The following LPCAT2 variants were observed in gnomAD, a reference collection of about 807,000 sequenced individuals.
LPCAT2 encodes 1-AGP acyltransferase 11.
Under a neutral mutation model 64.7 loss-of-function variants are expected in LPCAT2, and 58 were observed. That is an observed-to-expected ratio of 0.90 (90% CI 0.73 to 1.12). The LOEUF is 1.12. Among genes scored for constraint, LPCAT2 ranks in the 50% most tolerant of loss-of-function variants. LPCAT2 has a pLI of 0.00. For missense variants in LPCAT2, 579 were observed against 669.8 expected, an observed-to-expected ratio of 0.86 and a Z score of 1.50; for synonymous variants, 252 against 245.3, an observed-to-expected ratio of 1.03 and a Z score of -0.26.
intron 1 of LPCAT2, among the ~76,000 whole-genome samples, chr16:55,513,617 T>A (rs1213670507): frequency 3.3e-5 from 5 of 152,186 alleles, no homozygotes; most frequent in Non-Finnish European, 5.9e-5. Context: ...TGACTCTTAG[T>A]TAGAATAGTA....
intron 10 of LPCAT2, 115 bp downstream of exon 10, chr16:55,549,517 A>G (rs1963491567): frequency 9.7e-7 from 1 of 1,032,806 alleles, no homozygotes. Flanking sequence ...TTTGGTGTAT[A>G]TTAGGAAAGT....
At chr16:55,556,051 G>T (rs767564069) in intron 11 of LPCAT2, among the ~76,000 whole-genome samples, 1 of 152,126 alleles carries the variant, frequency 6.6e-6, no homozygotes, top group Non-Finnish European at 1.5e-5. Context: ...CTGACCTCAG[G>T]TAATCCACCC....
chr16:55,546,914 C>T (rs772915009), intron 9 of LPCAT2, among the ~76,000 whole-genome samples: 1 of 151,932 alleles, frequency 6.6e-6, no homozygotes, highest in Admixed American at 6.6e-5. Flanking sequence ...TTTGGGAGGC[C>T]GAGGTGGGTG....
At chr16:55,540,489 G>T (rs2142390851) in intron 8 of LPCAT2, 1 of 152,292 alleles carries the variant, frequency 6.6e-6, no homozygotes, top group Admixed American at 6.5e-5. Flanking sequence ...CATGAATTAA[G>T]AGTCTGTTAG....
At chr16:55,578,257 CTCAAGACTCA>C (rs1963850067) in intron 12 of LPCAT2, among the ~76,000 whole-genome samples, 2 of 152,172 alleles carry the variant, frequency 1.3e-5, no homozygotes, top group African/African-American at 4.8e-5. Flanking sequence ...AAATTCGTAT[CTCAAGACTCA>C]TCAGTTTCCT....
chr16:55,563,025 T>C (rs2142409382), intron 11 of LPCAT2, among the ~76,000 whole-genome samples: 1 of 151,748 alleles, frequency 6.6e-6, no homozygotes, highest in Non-Finnish European at 1.5e-5. Flanking sequence ...GCTAGACACA[T>C]AAAACCAGAA....
At chr16:55,572,397 T>C (rs1963780055) in intron 11 of LPCAT2, among the ~76,000 whole-genome samples, 1 of 152,220 alleles carries the variant, frequency 6.6e-6, no homozygotes. Context: ...TTCTTAAGAA[T>C]TTCTATTTAA....
intron 11 of LPCAT2, chr16:55,566,705 T>C: frequency 1.3e-6 from 2 of 1,545,710 alleles, no homozygotes; most frequent in Non-Finnish European, 1.7e-6. Context: ...ATTTCATCTT[T>C]TTTCATACCA....
At chr16:55,544,694 A>G (rs979080115) in intron 8 of LPCAT2, among the ~76,000 whole-genome samples, 5 of 152,022 alleles carry the variant, frequency 3.3e-5, no homozygotes, top group Admixed American at 2.6e-4. Context: ...TCCTGTGTGC[A>G]CTCTCTCCCT....
rs1466624701 is a variant in LPCAT2 at position 55,584,612 on chromosome 16, C to T, written c.*1514C>T. 2.6e-5 allele frequency: 4 copies of T among 152,014 alleles called. No homozygotes were observed. Among genetic ancestry groups the T allele is most frequent in the African/African-American group, 4.8e-5 (2 of 41,454 alleles). 9.4% of individuals were successfully genotyped at this position (152,014 alleles called of 1,614,324 possible). A position where few individuals can be genotyped will look rare whatever the true frequency, so the allele number is the denominator to read the frequency against. On this transcript the variant is annotated 3_prime_UTR_variant, in exon 14 of 14. Coordinates refer to ENST00000262134, the MANE Select transcript of LPCAT2 (RefSeq NM_017839.5). The stretch of plus-strand genomic sequence containing the variant: ...TTGAAATAAAACTCCTTGTTTTGGC[C>T]GTGTTTCTGAATGTATTGGTGATTC...
intron 11 of LPCAT2, among the ~76,000 whole-genome samples, chr16:55,572,452 G>T (rs1427466246): frequency 6.6e-6 from 1 of 152,142 alleles, no homozygotes; most frequent in Non-Finnish European, 1.5e-5. Context: ...CAGAAGAAAT[G>T]TATCTATGTT....
intron 8 of LPCAT2, chr16:55,538,865 A>T (rs926002912): frequency 1.3e-5 from 2 of 151,990 alleles, no homozygotes; most frequent in African/African-American, 4.8e-5. Context: ...TTTTCTCTAG[A>T]TATCTCCCGG....
chr16:55,566,863 A>G (rs1256725537), intron 11 of LPCAT2: 1 of 1,613,868 alleles, frequency 6.2e-7, no homozygotes, highest in Admixed American at 1.7e-5. Flanking sequence ...GGAGGAAGAA[A>G]TATTGGAGGG....
intron 1 of LPCAT2, among the ~76,000 whole-genome samples, chr16:55,521,150 A>G (rs1963090210): frequency 6.6e-6 from 1 of 151,796 alleles, no homozygotes; most frequent in African/African-American, 2.4e-5. Context: ...ACCAGTATCA[A>G]GAATGAAACA....
intron 4 of LPCAT2, among the ~76,000 whole-genome samples, chr16:55,531,406 A>G (rs2142381901): frequency 6.6e-6 from 1 of 152,312 alleles, no homozygotes; most frequent in Non-Finnish European, 1.5e-5. Flanking sequence ...GAAAAAAGAT[A>G]TTAAGTTGTA....
intron 12 of LPCAT2, among the ~76,000 whole-genome samples, chr16:55,575,862 C>A (rs1416383200): frequency 6.6e-6 from 1 of 152,230 alleles, no homozygotes; most frequent in African/African-American, 2.4e-5. Flanking sequence ...AGCAGATGGT[C>A]ATAAGGCAAG....
chr16:55,514,262 T>C (rs1347382778), intron 1 of LPCAT2, among the ~76,000 whole-genome samples: 1 of 152,126 alleles, frequency 6.6e-6, no homozygotes, highest in African/African-American at 2.4e-5. Flanking sequence ...GCACATGTCC[T>C]GAAAATATCT....
chr16:55,557,314 C>G (rs1963588529), intron 11 of LPCAT2, among the ~76,000 whole-genome samples: 2 of 150,124 alleles, frequency 1.3e-5, no homozygotes, highest in South Asian at 2.1e-4. Context: ...TCTTTCTGTT[C>G]TGAACACACC....
At chr16:55,512,025 G>A (rs1036275783) in intron 1 of LPCAT2, among the ~76,000 whole-genome samples, 8 of 152,066 alleles carry the variant, frequency 5.3e-5, no homozygotes, top group African/African-American at 1.9e-4. Context: ...ATACTTCATT[G>A]CACCACCATT....
Sources: allele counts gnomAD v4.1 joint callset (sites outside exome capture counted in the v4.1 genomes callset), GRCh38; gene constraint gnomAD v4.1.1; transcripts MANE v1.5; gene names NCBI Gene and HGNC (gene_info 2026-07-23, HGNC 2026-07-21).